Variants in EEF2 observed in about 807,000 individuals in gnomAD.
EEF2 encodes the protein eukaryotic translation elongation factor 2.
Under a neutral mutation model 85.3 loss-of-function variants are expected in EEF2, and 21 were observed. The ratio of observed to expected loss-of-function variants is 0.25; its 90% CI spans 0.17 to 0.35. The LOEUF is 0.35. Among genes scored for constraint, EEF2 ranks in the 10% least tolerant of loss-of-function variants. EEF2 has a pLI of 1.00. For missense variants in EEF2, 825 were observed against 1,225.3 expected, an observed-to-expected ratio of 0.67 and a Z score of 4.88; for synonymous variants, 723 against 508.8, an observed-to-expected ratio of 1.42 and a Z score of -5.67.
intron 7 of EEF2, 45 bp downstream of exon 7, chr19:3,981,291 ACAG>A (rs1010838340): frequency 1.3e-6 from 2 of 1,570,720 alleles, no homozygotes; most frequent in African/African-American, 2.7e-5. Flanking sequence ...GCATCCGGAA[ACAG>A]CAGCCTGTGT....
At chr19:3,985,273 C>T (rs1447215219) in intron 1 of EEF2, 105 bp downstream of exon 1, 3 of 1,252,928 alleles carry the variant, frequency 2.4e-6, no homozygotes, top group East Asian at 6.2e-5. Context: ...GCCGCCGCTA[C>T]GTCTCCTCCT....
chr19:3,982,578 G>A (rs775724657), intron 4 of EEF2, 154 bp from the exon 5 acceptor site: 18 of 1,131,732 alleles, frequency 1.6e-5, no homozygotes, highest in Non-Finnish European at 2.2e-5. Flanking sequence ...CGAATAGGGG[G>A]GCCAGCCCCT....
chr19:3,982,606 G>T, intron 4 of EEF2, 182 bp from the exon 5 acceptor site: 2 of 1,050,372 alleles, frequency 1.9e-6, no homozygotes, highest in Non-Finnish European at 2.9e-6. Context: ...CCAGGGCAGC[G>T]TTCCCTGAGC....
chr19:3,977,995 G>A lies in EEF2; in HGVS notation c.1891C>T (p.Arg631Trp). The A allele has an allele frequency of 6.2e-7, 1 of 1,612,250 alleles. No individual in the cohort carries two copies. The highest frequency in any genetic ancestry group is 8.5e-7 in the Non-Finnish European group (1 of 1,179,234). ...TACTTCTCGGCCAGGTAGCGCGCCC[G>A]CTGCTTGAGCTCCTGACGGGCGGAC... is the stretch of plus-strand genomic sequence containing the variant. The part of the protein sequence containing the change: ...EVSARQELKQ[R>W]ARYLAEKYEW... Residue 631 changes from arginine to tryptophan, a missense_variant, in exon 12 of 15, where the codon CGG becomes TGG. Physicochemically the swap from Arg to Trp is moderately radical, Grantham distance 101. Coordinates refer to ENST00000309311, the MANE Select transcript of EEF2 (RefSeq NM_001961.4). The surrounding 1 kb of genome is among the most constrained non-coding windows in gnomAD (Gnocchi z 5.4).
chr19:3,980,436 G>A (rs1371778945), intron 9 of EEF2, 78 bp downstream of exon 9: 109 of 1,496,194 alleles, frequency 7.3e-5, no homozygotes, highest in Middle Eastern at 2.0e-4. Context: ...TCTAGCTCCC[G>A]ACTGAGGAGC....
At chr19:3,979,280 G>T in intron 11 of EEF2, 49 bp downstream of exon 11, 1 of 1,455,720 alleles carries the variant, frequency 6.9e-7, no homozygotes, top group Non-Finnish European at 9.6e-7. Flanking sequence ...AAAGCAGAGG[G>T]CAGGTGTCCG....
Position 3,982,342 on chromosome 19 carries a change from T to A in EEF2, c.695A>T (p.Tyr232Phe). Residue 232 changes from tyrosine to phenylalanine, a missense_variant, in exon 5 of 15, where the codon TAT becomes TTT. Coordinates refer to ENST00000309311, the MANE Select transcript of EEF2 (RefSeq NM_001961.4). ...AFTLKQFAEM[Y>F]VAKFAAKGEG... ...CCCCTTGGCGGCGAACTTGGCCACA[T>A]ACATCTCGGCAAACTGCTTCAGGGT... The A allele has an allele frequency of 6.2e-7, 1 of 1,614,086 alleles. No individual in the cohort carries two copies. The highest frequency in any genetic ancestry group is 8.5e-7 in the Non-Finnish European group (1 of 1,180,026).
At chr19:3,978,202 C>T in intron 11 of EEF2, 30 bp from the exon 12 acceptor site, 1 of 1,434,466 alleles carries the variant, frequency 7.0e-7, no homozygotes, top group Non-Finnish European at 9.2e-7. Context: ...CCCACTCTTG[C>T]CTGGAGAAAG....
intron 14 of EEF2, among the ~76,000 whole-genome samples, chr19:3,976,982 G>A (rs1167260327): frequency 6.6e-6 from 1 of 152,214 alleles, no homozygotes; most frequent in Non-Finnish European, 1.5e-5. Context: ...CCAGGGCGTA[G>A]GCCTTCAGAG....
chr19:3,980,195 A>C, intron 9 of EEF2, 129 bp from the exon 10 acceptor site: 1 of 1,334,232 alleles, frequency 7.5e-7, no homozygotes, highest in African/African-American at 1.5e-5. Flanking sequence ...GGCTTCCACA[A>C]GGCCCTGACT....
Position 3,983,220 on chromosome 19 carries a change from C to T in EEF2, c.290G>A (p.Gly97Asp). The T allele has an allele frequency of 6.2e-7, 1 of 1,613,992 alleles. No homozygotes were observed. Among genetic ancestry groups the T allele is most frequent in the Non-Finnish European group, 8.5e-7 (1 of 1,179,992 alleles). ...GGAGTCAATGAGGTTGATGAGGAAGCCGGCACCGTCCTTGCTCTGCTTGAT... is the reference window on the plus strand; with the variant it reads ...GGAGTCAATGAGGTTGATGAGGAAGTCGGCACCGTCCTTGCTCTGCTTGAT... ...NFIKQSKDGA[G>D]FLINLIDSPG... Residue 97 changes from glycine to aspartate, a missense_variant, in exon 3 of 15, where the codon GGC (glycine) becomes GAC (aspartate). Gly to Asp is a moderately conservative substitution (Grantham distance 94). Coordinates refer to ENST00000309311, the MANE Select transcript of EEF2 (RefSeq NM_001961.4).
In EEF2 at chr19:3,979,599, C is replaced by T. The variant is rs891262384; in HGVS notation, c.1606-163G>A. 6 of 937,014 alleles carry T rather than the reference C, an allele frequency of 6.4e-6. No homozygotes were observed. In the East Asian group the frequency reaches 1.5e-4, roughly 24 times the overall value. 58.0% of individuals were successfully genotyped at this position (937,014 alleles called of 1,614,324 possible). A position where few individuals can be genotyped will look rare whatever the true frequency, so the allele number is the denominator to read the frequency against. ...ACTCCTGAAGAAATGTTAAGTCCCACAAGCTACAGTGAACACGCGCAGAGC... is the reference window on the plus strand; with the variant it reads ...ACTCCTGAAGAAATGTTAAGTCCCATAAGCTACAGTGAACACGCGCAGAGC... On this transcript the variant is annotated intron_variant, in intron 10 of 14. Coordinates refer to ENST00000309311, the MANE Select transcript of EEF2 (RefSeq NM_001961.4).
chr19:3,983,620 C>T (rs1392066694), intron 2 of EEF2, among the ~76,000 whole-genome samples: 3 of 152,112 alleles, frequency 2.0e-5, no homozygotes, highest in Non-Finnish European at 2.9e-5. Flanking sequence ...CCAGAGACTC[C>T]GACCCTCCCC....
Position 3,985,408 on chromosome 19 carries a change from G to C in EEF2, c.-28C>G, listed in dbSNP as rs764194249. The C allele has an allele frequency of 4.0e-6, 6 of 1,494,766 alleles. No homozygotes were observed. The highest frequency in any genetic ancestry group is 5.4e-5 in the East Asian group (2 of 36,982). 92.6% of individuals were successfully genotyped at this position (1,494,766 alleles called of 1,614,324 possible). On this transcript the variant is annotated 5_prime_UTR_variant, in exon 1 of 15. Transcript: ENST00000309311. ...TGGCGGATGGCGGTGGATTCTCCCAGGTAGAACCGAAAGAAGCGAGTCGCG... is the reference window on the plus strand; with the variant it reads ...TGGCGGATGGCGGTGGATTCTCCCACGTAGAACCGAAAGAAGCGAGTCGCG...
intron 6 of EEF2, 68 bp downstream of exon 6, chr19:3,981,879 G>A (rs986298573): frequency 9.8e-5 from 144 of 1,465,756 alleles, no homozygotes; most frequent in South Asian, 6.4e-4. Flanking sequence ...ACAGGCTACC[G>A]GCCGGAGCCC....
chr19:3,982,575 G>A, intron 4 of EEF2, 151 bp from the exon 5 acceptor site: 3 of 1,163,254 alleles, frequency 2.6e-6, no homozygotes, highest in Middle Eastern at 1.9e-4. Flanking sequence ...TCACGAATAG[G>A]GGGGCCAGCC....
chr19:3,982,800 G>T lies in EEF2; in HGVS notation c.612+7C>A, dbSNP rs551860516. ...CAAGCCCACCACCCAGCTAGGGAGG[G>T]CCGTACCATGATGTTGCCCATGGGG... On this transcript the variant is annotated splice_region_variant and intron_variant, in intron 4 of 14. Coordinates refer to ENST00000309311, the MANE Select transcript of EEF2 (RefSeq NM_001961.4). 4 of 1,606,754 alleles carry T rather than the reference G, an allele frequency of 2.5e-6. No homozygotes were observed.
At chr19:3,982,491 G>C (rs1035183981) in intron 4 of EEF2, 67 bp from the exon 5 acceptor site, 1 of 1,599,626 alleles carries the variant, frequency 6.3e-7, no homozygotes, top group Non-Finnish European at 8.6e-7. Flanking sequence ...TACGGGCTGG[G>C]CGCCTTGGGC....
intron 11 of EEF2, among the ~76,000 whole-genome samples, chr19:3,978,385 A>C (rs942115291): frequency 2.0e-5 from 3 of 152,234 alleles, no homozygotes; most frequent in Non-Finnish European, 4.4e-5. Context: ...TCTCCGGCGC[A>C]GAAACCACGG....
Sources: allele counts gnomAD v4.1 joint callset (sites outside exome capture counted in the v4.1 genomes callset), GRCh38; gene constraint gnomAD v4.1.1; non-coding constraint Gnocchi (gnomAD v3.1); transcripts MANE v1.5; gene names NCBI Gene and HGNC (gene_info 2026-07-23, HGNC 2026-07-21).